The following CACNA1C variants were observed in gnomAD, a reference collection of about 807,000 sequenced individuals.
CACNA1C encodes the protein voltage-dependent L-type calcium channel subunit alpha-1C.
In CACNA1C, 30 loss-of-function variants were observed where a neutral mutation model predicts 229.0. That is an observed-to-expected ratio of 0.13 (90% confidence interval 0.10 to 0.18). CACNA1C has a LOEUF of 0.18. Ranked by LOEUF, CACNA1C falls within the 10% of genes least tolerant of loss-of-function variation. The pLI is 1.00. For missense variants in CACNA1C, 1,658 were observed against 2,845.0 expected, an observed-to-expected ratio of 0.58 and a Z score of 9.49; for synonymous variants, 1,114 against 1,132.5, an observed-to-expected ratio of 0.98 and a Z score of 0.33.
intron 3 of CACNA1C, among the ~76,000 whole-genome samples, chr12:2,148,190 A>T (rs1368080324): frequency 6.6e-6 from 1 of 151,296 alleles, no homozygotes; most frequent in Non-Finnish European, 1.5e-5. Context: ...CCACACAACC[A>T]CAGAAATCTC....
intron 3 of CACNA1C, among the ~76,000 whole-genome samples, chr12:2,302,837 T>G (rs2094678271): frequency 6.6e-6 from 1 of 152,250 alleles, no homozygotes; most frequent in Non-Finnish European, 1.5e-5. Context: ...CTCTGCCCTC[T>G]GTGTTCTAAT....
chr12:2,465,347 A>T (rs1185394431), intron 5 of CACNA1C, among the ~76,000 whole-genome samples: 1 of 151,848 alleles, frequency 6.6e-6, no homozygotes. Flanking sequence ...GATGAAATGG[A>T]TTCAAGGGGA....
chr12:2,587,189 TG>T (rs35080321), intron 18 of CACNA1C, among the ~76,000 whole-genome samples: 27,028 of 152,126 alleles, frequency 0.18, 2,494 homozygotes, highest in East Asian at 0.31. Context: ...CGAGTTGCTT[TG>T]CTTTTAAAAT....
chr12:2,087,708 G>T (rs1297913762), intron 1 of CACNA1C, among the ~76,000 whole-genome samples: 1 of 152,190 alleles, frequency 6.6e-6, no homozygotes, highest in African/African-American at 2.4e-5. Flanking sequence ...AATGGGAGTG[G>T]AAGAGCCCAT....
Position 2,691,295 on chromosome 12 carries a change from A to T in CACNA1C, c.*96A>T. ...TCACTGTTCTCGTGACCTGGAGTTAACCGGAACAGCGTCTTCATTCATTTC... is the reference window on the plus strand; with the variant it reads ...TCACTGTTCTCGTGACCTGGAGTTATCCGGAACAGCGTCTTCATTCATTTC... On this transcript the variant is annotated 3_prime_UTR_variant, in exon 47 of 47. Coordinates refer to ENST00000399655, the MANE Select transcript of CACNA1C (RefSeq NM_000719.7). 1 of 1,224,638 alleles carries T rather than the reference A, an allele frequency of 8.2e-7. No individual in the cohort carries two copies. Among genetic ancestry groups the T allele is most frequent in the Non-Finnish European group, 1.1e-6 (1 of 915,942 alleles). The allele number at this position is 1,224,638 out of a possible 1,614,324, so 75.9% of individuals were successfully genotyped here.
In CACNA1C at chr12:2,585,512, C is replaced by T; in HGVS notation, c.2460+16C>T. 6.5e-7 allele frequency: 1 copy of T among 1,542,208 alleles called. No individual in the cohort carries two copies. Among genetic ancestry groups the T allele is most frequent in the Non-Finnish European group, 8.8e-7 (1 of 1,141,358 alleles). ...CGCCACCAAGGTGAGGAGCTGTCTC[C>T]TTCCTGGAGCTGTGAGGCCGGTGCT... On this transcript the variant is annotated intron_variant, in intron 17 of 46. Transcript: ENST00000399655. The surrounding 1 kb of genome is among the most constrained non-coding windows in gnomAD (Gnocchi z 4.1).
chr12:2,602,969 C>T lies in CACNA1C; in HGVS notation c.2960+1009C>T, dbSNP rs1256117308. Among the ~76,000 whole-genome samples, 1 of 152,158 alleles carries T rather than the reference C, an allele frequency of 6.6e-6. No homozygotes were observed. Among genetic ancestry groups the T allele is most frequent in the Non-Finnish European group, 1.5e-5 (1 of 68,026 alleles). ...AGTTCAGGACATCATGACACTTGCT[C>T]AAGGTCACACCTGTGGTAGAGAAAG... is the stretch of plus-strand genomic sequence containing the variant. On this transcript the variant is annotated intron_variant, in intron 22 of 46. Transcript: ENST00000399655. The surrounding 1 kb of genome is among the most constrained non-coding windows in gnomAD (Gnocchi z 4.4).
In CACNA1C at chr12:2,605,310, A is replaced by C. The variant is rs536213485; in HGVS notation, c.3048+142A>C. On this transcript the variant is annotated intron_variant, in intron 23 of 46. Transcript: ENST00000399655. This position sits in a 1 kb window ranked among gnomAD's most constrained non-coding sequence, Gnocchi z 6.2. ...GGGTCCCGGACACTGGTCCCACTGC[A>C]TGTCCCGGTTCCGTAATGAACAGAA... 3.3e-5 allele frequency: 21 copies of C among 641,644 alleles called. No homozygotes were observed. The East Asian group carries it at 5.7e-4, about 17-fold the overall frequency. 39.7% of individuals were successfully genotyped at this position (641,644 alleles called of 1,614,324 possible). A position where few individuals can be genotyped will look rare whatever the true frequency, so the allele number is the denominator to read the frequency against.
intron 37 of CACNA1C, among the ~76,000 whole-genome samples, chr12:2,667,346 A>T (rs910888324): frequency 7.2e-5 from 11 of 152,014 alleles, no homozygotes; most frequent in Admixed American, 2.0e-4. Flanking sequence ...GGCAATAATG[A>T]GCTGACAGAG....
chr12:2,550,222 C>T lies in CACNA1C; in HGVS notation c.1481+189C>T, dbSNP rs74053812. 0.024 allele frequency among the ~76,000 whole-genome samples: 3,587 copies of T among 152,166 alleles called. 129 individuals are homozygous for T. The highest frequency in any genetic ancestry group is 0.081 in the African/African-American group (3,350 of 41,482). On this transcript the variant is annotated intron_variant, in intron 10 of 46. Transcript: ENST00000399655. The stretch of plus-strand genomic sequence containing the variant: ...GGCCCTGGGGTGAGGGTGGCCCTGG[C>T]CGGGGGTGAGTCTTAAAATCAAGGC...
At chr12:2,327,539 T>TA (rs1292911708) in intron 3 of CACNA1C, among the ~76,000 whole-genome samples, 1 of 152,242 alleles carries the variant, frequency 6.6e-6, no homozygotes, top group Non-Finnish European at 1.5e-5. Context: ...TGACAGTCTT[T>TA]AACCAGACGA....
chr12:2,338,120 A>G (rs774391157), intron 3 of CACNA1C, among the ~76,000 whole-genome samples: 3 of 152,074 alleles, frequency 2.0e-5, no homozygotes, highest in Non-Finnish European at 2.9e-5. Flanking sequence ...GCCAGGCAGG[A>G]CTTGGCAGGA....
At chr12:2,470,779 C>G (rs760101959) in intron 5 of CACNA1C, among the ~76,000 whole-genome samples, 6 of 152,214 alleles carry the variant, frequency 3.9e-5, no homozygotes, top group Non-Finnish European at 8.8e-5. Flanking sequence ...GGGTCCAACT[C>G]CCTATCTGTC....
chr12:2,216,197 C>T (rs1393636031), intron 3 of CACNA1C, among the ~76,000 whole-genome samples: 2 of 152,116 alleles, frequency 1.3e-5, no homozygotes, highest in African/African-American at 4.8e-5. Context: ...TGGGGAGGGG[C>T]CTCTTGAGCT....
intron 3 of CACNA1C, among the ~76,000 whole-genome samples, chr12:2,385,145 C>T (rs529774369): frequency 5.9e-5 from 9 of 152,222 alleles, no homozygotes; most frequent in South Asian, 2.1e-4. Flanking sequence ...TTTGAGTCAC[C>T]GGGGAAGTTA....
At chr12:1,990,143 G>C (rs146131480) in intron 1 of CACNA1C, among the ~76,000 whole-genome samples, 1 of 152,126 alleles carries the variant, frequency 6.6e-6, no homozygotes, top group Admixed American at 6.5e-5. Flanking sequence ...GGACCACAGC[G>C]TATCACTTAA....
At chr12:2,352,546 G>T (rs1180646990) in intron 3 of CACNA1C, among the ~76,000 whole-genome samples, 6 of 152,130 alleles carry the variant, frequency 3.9e-5, no homozygotes, top group Non-Finnish European at 8.8e-5. Context: ...ATCTTGGTGG[G>T]GAGATGCTGG....
intron 3 of CACNA1C, among the ~76,000 whole-genome samples, chr12:2,350,430 A>G (rs1275523065): frequency 1.3e-5 from 2 of 152,226 alleles, no homozygotes; most frequent in Non-Finnish European, 2.9e-5. Context: ...AAGCACACAC[A>G]AATAGTGATG....
intron 30 of CACNA1C, among the ~76,000 whole-genome samples, chr12:2,636,287 G>T (rs968296974): frequency 6.6e-6 from 1 of 152,202 alleles, no homozygotes; most frequent in Non-Finnish European, 1.5e-5. Flanking sequence ...AGCTCTGGGG[G>T]TCCTATGGGT....
Sources: gnomAD v4.1 joint callset for allele counts (sites outside exome capture counted in the v4.1 genomes callset) on GRCh38, gnomAD v4.1.1 for gene constraint, Gnocchi (gnomAD v3.1) non-coding constraint, MANE v1.5 for transcripts, NCBI Gene and HGNC (gene_info 2026-07-23, HGNC 2026-07-21) for gene names.